Variants in DLGAP2 observed in about 807,000 individuals in gnomAD.
DLGAP2 encodes disks large-associated protein 2.
DLGAP2 carries 26 observed loss-of-function variants against 100.3 expected under a neutral mutation model. The ratio of observed to expected loss-of-function variants is 0.26; its 90% CI spans 0.19 to 0.36. DLGAP2 has a LOEUF of 0.36. Ranked by LOEUF, DLGAP2 falls within the 10% of genes least tolerant of loss-of-function variation. The probability of loss-of-function intolerance (pLI) is 1.00; values close to 1 mark genes in which losing one functional copy is unlikely to be tolerated. For synonymous variants in DLGAP2, 886 were observed against 630.1 expected, an observed-to-expected ratio of 1.41 and a Z score of -6.08; for missense variants, 1,858 against 1,453.2, an observed-to-expected ratio of 1.28 and a Z score of -4.53.
In DLGAP2 at chr8:1,697,340, T is replaced by C. The variant is rs1344991348; in HGVS notation, c.2949+41T>C. The C allele has an allele frequency of 3.2e-6, 5 of 1,550,374 alleles. No homozygotes were observed. In the African/African-American group the frequency reaches 6.8e-5, roughly 21 times the overall value. On this transcript the variant is annotated intron_variant, in intron 14 of 14. Coordinates refer to ENST00000637795, the MANE Select transcript of DLGAP2 (RefSeq NM_001346810.2). ...CAGGGCCGGCTCCCAGCAAACCCCC[T>C]TTCTCACTGCACTAACGACCTGCTG...
At chr8:1,497,182 C>T (rs1224980979) in intron 3 of DLGAP2, among the ~76,000 whole-genome samples, 3 of 152,158 alleles carry the variant, frequency 2.0e-5, no homozygotes, top group African/African-American at 7.2e-5. Context: ...TGCATTCCCA[C>T]GCGTGAATGG....
At position 1,058,242 on chromosome 8, in the gene DLGAP2, T is replaced by G. The variant is rs571486742; in HGVS notation, c.73+150276T>G. ...CTAGCAGTGAGTCTTGATTTCAGCA[T>G]TTTGCTAAAGACCTTCTTTTGGAGA... On this transcript the variant is annotated intron_variant, in intron 2 of 14. Coordinates refer to ENST00000637795, the MANE Select transcript of DLGAP2 (RefSeq NM_001346810.2). 5.0e-4 allele frequency among the ~76,000 whole-genome samples: 76 copies of G among 152,214 alleles called. 1 individual carries two copies. Among genetic ancestry groups the G allele is most frequent in the Admixed American group, 3.1e-3 (48 of 15,280 alleles).
intron 1 of DLGAP2, among the ~76,000 whole-genome samples, chr8:755,681 A>T (rs117803985): frequency 1.3e-5 from 2 of 151,828 alleles, no homozygotes; most frequent in African/African-American, 2.4e-5. Flanking sequence ...GAATCTGAGG[A>T]CTGTGGGTTG....
rs1187186510 is a variant in DLGAP2 at position 1,256,460 on chromosome 8, CGTGTCCTCTCCTGCCTGGGTGCTGTGTGT to C, written c.74-2358_74-2330del. 8.8e-4 allele frequency among the ~76,000 whole-genome samples: 81 copies of C among 92,120 alleles called. 1 individual carries two copies. Among genetic ancestry groups the C allele is most frequent in the Non-Finnish European group, 1.2e-3 (59 of 50,280 alleles). 60.4% of individuals were successfully genotyped at this position (92,120 alleles called of 152,430 possible). ...TGTCCTCTCCTGCCCAGGTGCTGTGCGTGTCCTCTCCTGCCTGGGTGCTGTGTGTGTGTCCTCTCCTGCCTGGGTGCTGT... is the reference window on the plus strand; with the variant it reads ...TGTCCTCTCCTGCCCAGGTGCTGTGCGTGTCCTCTCCTGCCTGGGTGCTGT... On this transcript the variant is annotated intron_variant, in intron 2 of 14. Transcript: ENST00000637795.
At chr8:1,275,031 C>CAGAA (rs1353358985) in intron 3 of DLGAP2, among the ~76,000 whole-genome samples, 4 of 146,786 alleles carry the variant, frequency 2.7e-5, no homozygotes, top group African/African-American at 9.7e-5. Context: ...CTACCGCAGA[C>CAGAA]AGACAGACAG....
At chr8:887,977 C>T (rs1797955026) in intron 1 of DLGAP2, among the ~76,000 whole-genome samples, 1 of 152,188 alleles carries the variant, frequency 6.6e-6, no homozygotes. Flanking sequence ...TGTTTTCCAG[C>T]TTGTTTCCAT....
intron 3 of DLGAP2, among the ~76,000 whole-genome samples, chr8:1,391,646 G>A (rs555024144): frequency 1.3e-5 from 2 of 152,338 alleles, no homozygotes; most frequent in Admixed American, 6.5e-5. Context: ...TCTAGAAGAG[G>A]AGATGGGTTC....
chr8:984,481 T>C (rs1284812784), intron 2 of DLGAP2, among the ~76,000 whole-genome samples: 2 of 152,212 alleles, frequency 1.3e-5, no homozygotes, highest in Non-Finnish European at 2.9e-5. Context: ...TAGGTTTATC[T>C]TGGTTGTGGG....
intron 4 of DLGAP2, among the ~76,000 whole-genome samples, chr8:1,523,101 C>T (rs1045535388): frequency 6.6e-6 from 1 of 152,208 alleles, no homozygotes; most frequent in Non-Finnish European, 1.5e-5. Flanking sequence ...CGTGCGGCAT[C>T]TCCTGGGACC....
At chr8:1,495,777 G>A (rs1376881404) in intron 3 of DLGAP2, among the ~76,000 whole-genome samples, 3 of 152,208 alleles carry the variant, frequency 2.0e-5, no homozygotes, top group Non-Finnish European at 2.9e-5. Flanking sequence ...TCCCCCGTAT[G>A]CTTTCGCTTT....
At chr8:1,553,629 C>T (rs566228661) in intron 5 of DLGAP2, among the ~76,000 whole-genome samples, 5 of 152,184 alleles carry the variant, frequency 3.3e-5, no homozygotes, top group African/African-American at 9.7e-5. Context: ...TCCCTCCCTG[C>T]GTGTAAAGTG....
chr8:975,407 A>G (rs1386001924), intron 2 of DLGAP2, among the ~76,000 whole-genome samples: 1 of 152,200 alleles, frequency 6.6e-6, no homozygotes, highest in Non-Finnish European at 1.5e-5. Flanking sequence ...ATTATTTAGC[A>G]TTCCCCTCAA....
At chr8:817,649 C>T (rs1486602578) in intron 1 of DLGAP2, among the ~76,000 whole-genome samples, 3 of 152,146 alleles carry the variant, frequency 2.0e-5, no homozygotes, top group South Asian at 2.1e-4. Flanking sequence ...TTTTCTCCCA[C>T]GGGGTGCTAC....
At chr8:1,115,010 A>AT (rs2129046521) in intron 2 of DLGAP2, among the ~76,000 whole-genome samples, 1 of 152,156 alleles carries the variant, frequency 6.6e-6, no homozygotes, top group South Asian at 2.1e-4. Flanking sequence ...GTTTTGAGTG[A>AT]TTTTCTGAGT....
At chr8:1,532,011 C>T (rs778507332) in intron 4 of DLGAP2, among the ~76,000 whole-genome samples, 3 of 152,184 alleles carry the variant, frequency 2.0e-5, no homozygotes, top group East Asian at 3.8e-4. Flanking sequence ...ACACTGGTTC[C>T]GTCCAGAGGG....
chr8:820,791 A>T (rs570330257), intron 1 of DLGAP2, among the ~76,000 whole-genome samples: 6 of 152,332 alleles, frequency 3.9e-5, no homozygotes, highest in Admixed American at 3.3e-4. Context: ...AGGAAATGGG[A>T]AAATTGGAGA....
At chr8:1,675,299 C>T (rs771827390) in intron 10 of DLGAP2, among the ~76,000 whole-genome samples, 11 of 152,238 alleles carry the variant, frequency 7.2e-5, no homozygotes, top group Non-Finnish European at 1.0e-4. Flanking sequence ...AGAGCCCTAG[C>T]CCTGACCCCA....
At chr8:1,511,626 G>A (rs1336825212) in intron 4 of DLGAP2, among the ~76,000 whole-genome samples, 1 of 149,620 alleles carries the variant, frequency 6.7e-6, no homozygotes, top group African/African-American at 2.5e-5. Context: ...GTCTAGTGTA[G>A]GACAATCAGT....
intron 4 of DLGAP2, among the ~76,000 whole-genome samples, chr8:1,541,349 A>G (rs1801355415): frequency 6.6e-6 from 1 of 152,212 alleles, no homozygotes; most frequent in South Asian, 2.1e-4. Flanking sequence ...TTGGAGACAC[A>G]ATATCAAACA....
Sources: allele counts gnomAD v4.1 joint callset (sites outside exome capture counted in the v4.1 genomes callset), GRCh38; gene constraint gnomAD v4.1.1; transcripts MANE v1.5; gene names NCBI Gene and HGNC (gene_info 2026-07-23, HGNC 2026-07-21).